Variants in XKR3 observed in about 807,000 individuals in gnomAD.
XKR3 encodes the protein XK related 3, also known as XK-related protein 3.
A neutral mutation model predicts 40.3 loss-of-function variants in XKR3; 27 were observed. The ratio of observed to expected loss-of-function variants is 0.67; its 90% CI spans 0.49 to 0.92. The LOEUF is 0.92. XKR3 is among the 40% of genes least tolerant of loss of function. The probability of loss-of-function intolerance (pLI) is 0.00; values close to 1 mark genes in which losing one functional copy is unlikely to be tolerated. For missense variants in XKR3, 472 were observed against 537.6 expected (o/e 0.88, Z 1.21); for synonymous variants, 193 against 195.4 (o/e 0.99, Z 0.10).
intron 3 of XKR3, among the ~76,000 whole-genome samples, chr22:16,796,209 A>G (rs1216906321): frequency 2.0e-5 from 3 of 152,222 alleles, no homozygotes; most frequent in African/African-American, 2.4e-5. Flanking sequence ...TAGGTAATAA[A>G]GAACCTACCA....
In XKR3 at chr22:16,783,800, A is replaced by C. The variant is rs750633819; in HGVS notation, c.1199T>G (p.Leu400Trp). Residue 400 changes from leucine (L) to tryptophan (W), a missense_variant, in exon 4 of 4, where the codon TTG (leucine) becomes TGG (tryptophan). By Grantham distance (61) the Leu-to-Trp change is moderately conservative (BLOSUM62 -2). Coordinates refer to ENST00000684488, the MANE Select transcript of XKR3 (RefSeq NM_001386955.1). Reference protein sequence around the residue: ...TGFMLLFYQYLYPWQSGKVLP... With the variant: ...TGFMLLFYQYWYPWQSGKVLP... ...CACTTTGCCTGACTGCCATGGGTACAAATACTGATAGAAGAGGAGCATAAA... is the reference window on the plus strand; with the variant it reads ...CACTTTGCCTGACTGCCATGGGTACCAATACTGATAGAAGAGGAGCATAAA... 1.2e-6 allele frequency: 2 copies of C among 1,614,228 alleles called. No homozygotes were observed. The highest frequency in any genetic ancestry group is 3.3e-5 in the Admixed American group (2 of 60,030).
At chr22:16,813,642 T>C (rs2060222053) in intron 1 of XKR3, among the ~76,000 whole-genome samples, 1 of 152,210 alleles carries the variant, frequency 6.6e-6, no homozygotes, top group Non-Finnish European at 1.5e-5. Context: ...AACATTTATA[T>C]TGTGAATAAT....
At chr22:16,814,050 C>G (rs1460726642) in intron 1 of XKR3, among the ~76,000 whole-genome samples, 1 of 152,106 alleles carries the variant, frequency 6.6e-6, no homozygotes, top group Non-Finnish European at 1.5e-5. Flanking sequence ...CAATGAAGTT[C>G]AATTTAGTTG....
chr22:16,786,256 G>GCGCGCACACACACACACACACA (rs1555895915), intron 3 of XKR3, among the ~76,000 whole-genome samples: 3 of 148,596 alleles, frequency 2.0e-5, no homozygotes, highest in African/African-American at 5.0e-5. Context: ...CAAAACGCGT[G>GCGCGCACACACACACACACACA]CACACACACA....
Position 16,784,240 on chromosome 22 carries a change from C to T in XKR3, c.759G>A (p.Leu253=). 6.2e-7 allele frequency: 1 copy of T among 1,614,120 alleles called. No homozygotes were observed. Among genetic ancestry groups the T allele is most frequent in the Non-Finnish European group, 8.5e-7 (1 of 1,180,026 alleles). ...FLEVISRVVT[L]AFFIASLKLK... Reference sequence around the variant, plus strand: ...GTTTCAGAGATGCAATGAAAAATGCCAGAGTCACTACACGTGAGATAACCT... The same window carrying T: ...GTTTCAGAGATGCAATGAAAAATGCTAGAGTCACTACACGTGAGATAACCT... Residue 253 remains leucine, a synonymous_variant, in exon 4 of 4, where the codon CTG becomes CTA. Coordinates refer to ENST00000684488, the MANE Select transcript of XKR3 (RefSeq NM_001386955.1).
chr22:16,817,250 C>A (rs369216677), intron 1 of XKR3, among the ~76,000 whole-genome samples: 76 of 152,070 alleles, frequency 5.0e-4, no homozygotes, highest in African/African-American at 1.8e-3. Context: ...CAGAGAACAC[C>A]AAAACCTACT....
At chr22:16,809,445 T>C (rs2146170350) in intron 1 of XKR3, among the ~76,000 whole-genome samples, 1 of 152,374 alleles carries the variant, frequency 6.6e-6, no homozygotes. Context: ...CTCATGGTGC[T>C]GAACTTTTTC....
rs147215189 is a variant in XKR3, at chr22:16,810,173, T to C, written c.-10-2090A>G. ...TCTGAATGGTACTGAGTCCCATATT[T>C]ATATCTCCAGCCAGTCTCTTACCAA... On this transcript the variant is annotated intron_variant, in intron 1 of 3. Transcript: ENST00000684488. Among the ~76,000 whole-genome samples the C allele has an allele frequency of 2.0e-4, 30 of 152,352 alleles. 1 individual carries two copies. The East Asian group carries it at 5.8e-3, about 29-fold the overall frequency.
chr22:16,783,700 T>G lies in XKR3; in HGVS notation c.1299A>C (p.Lys433Asn). ...YVNIEKTEKN[K>N]NKQLRNYCHS... Reference sequence around the variant, plus strand: ...GACAGTAATTCCTCAGCTGCTTATTTTTATTCTTTTCAGTTTTCTCGATGT... The same window carrying G: ...GACAGTAATTCCTCAGCTGCTTATTGTTATTCTTTTCAGTTTTCTCGATGT... Residue 433 changes from lysine (K) to asparagine (N), a missense_variant, in exon 4 of 4, where the codon AAA (lysine) becomes AAC (asparagine). Coordinates refer to ENST00000684488, the MANE Select transcript of XKR3 (RefSeq NM_001386955.1). 6.2e-7 allele frequency: 1 copy of G among 1,613,974 alleles called. No individual in the cohort carries two copies. The highest frequency in any genetic ancestry group is 2.2e-5 in the East Asian group (1 of 44,886).
In XKR3 at chr22:16,783,844, G is replaced by C; in HGVS notation, c.1155C>G (p.Ser385Arg). The change falls in exon 4 of 4, where the codon AGC becomes AGG. Residue 385 changes from serine to arginine, a missense_variant. By Grantham distance (110) the Ser-to-Arg change is moderately radical (BLOSUM62 -1). Coordinates refer to ENST00000684488, the MANE Select transcript of XKR3 (RefSeq NM_001386955.1). ...DSLIAVQLIISYLLATGFMLL... is the reference protein window; with the variant it reads ...DSLIAVQLIIRYLLATGFMLL... ...GCATAAAGCCAGTGGCCAATAGGTAGCTTATGATGAGCTGCACGGCAATTA... is the reference window on the plus strand; with the variant it reads ...GCATAAAGCCAGTGGCCAATAGGTACCTTATGATGAGCTGCACGGCAATTA... 6.2e-7 allele frequency: 1 copy of C among 1,614,168 alleles called. No individual in the cohort carries two copies. Among genetic ancestry groups the C allele is most frequent in the Non-Finnish European group, 8.5e-7 (1 of 1,180,030 alleles).
intron 2 of XKR3, among the ~76,000 whole-genome samples, chr22:16,803,628 A>G (rs1163802751): frequency 6.6e-6 from 1 of 152,236 alleles, no homozygotes; most frequent in Non-Finnish European, 1.5e-5. Context: ...AGGTTGCAGC[A>G]AAGGAGCCAG....
At chr22:16,821,452 C>T (rs1011077779) in intron 1 of XKR3, among the ~76,000 whole-genome samples, 8 of 151,998 alleles carry the variant, frequency 5.3e-5, no homozygotes, top group Non-Finnish European at 1.0e-4. Context: ...TACCTGGAAA[C>T]AGCTGCAACT....
At chr22:16,806,583 A>C (rs2060190751) in intron 2 of XKR3, among the ~76,000 whole-genome samples, 1 of 150,616 alleles carries the variant, frequency 6.6e-6, no homozygotes, top group South Asian at 2.1e-4. Context: ...GATTACAGGC[A>C]TGCACCAACA....
At chr22:16,805,813 G>T (rs778712176) in intron 2 of XKR3, among the ~76,000 whole-genome samples, 25 of 152,108 alleles carry the variant, frequency 1.6e-4, no homozygotes, top group Admixed American at 4.6e-4. Context: ...TTTCAACAAG[G>T]CTGCCAGGTC....
At chr22:16,822,980 C>A (rs1314582271) in intron 1 of XKR3, among the ~76,000 whole-genome samples, 1 of 152,112 alleles carries the variant, frequency 6.6e-6, no homozygotes, top group South Asian at 2.1e-4. Context: ...ACCTCCAGGA[C>A]TCAAATGATC....
chr22:16,790,173 A>C (rs2060108061), intron 3 of XKR3, among the ~76,000 whole-genome samples: 1 of 152,094 alleles, frequency 6.6e-6, no homozygotes, highest in South Asian at 2.1e-4. Context: ...AAAAATAAAT[A>C]TGTAATGAAA....
chr22:16,803,953 A>C (rs942596508), intron 2 of XKR3, among the ~76,000 whole-genome samples: 4 of 152,200 alleles, frequency 2.6e-5, no homozygotes, highest in African/African-American at 9.6e-5. Context: ...TTTCTTGCAC[A>C]AGATCCAAGA....
chr22:16,810,508 G>A (rs1265752727), intron 1 of XKR3, among the ~76,000 whole-genome samples: 5 of 152,064 alleles, frequency 3.3e-5, no homozygotes, highest in South Asian at 2.1e-4. Flanking sequence ...TTTCTCAGGC[G>A]ATTAACTCAG....
At chr22:16,817,495 G>C (rs774271416) in intron 1 of XKR3, among the ~76,000 whole-genome samples, 24 of 152,080 alleles carry the variant, frequency 1.6e-4, no homozygotes, top group Non-Finnish European at 2.4e-4. Context: ...TTCTGTGTTA[G>C]ATCCTAGTAT....
Sources: allele counts gnomAD v4.1 joint callset (sites outside exome capture counted in the v4.1 genomes callset), GRCh38; gene constraint gnomAD v4.1.1; transcripts MANE v1.5; gene names NCBI Gene and HGNC (gene_info 2026-07-23, HGNC 2026-07-21).